Variants in CEP192 observed in about 807,000 individuals in gnomAD.
CEP192 encodes the protein centrosomal protein of 192 kDa.
In CEP192, 151 loss-of-function variants were observed where a neutral mutation model predicts 271.8. The observed-to-expected ratio is 0.56, with a 90% CI of 0.49 to 0.64. CEP192 has a LOEUF of 0.64. CEP192 is among the 30% of genes least tolerant of loss of function. The probability of loss-of-function intolerance (pLI) is 0.00; values close to 1 mark genes in which losing one functional copy is unlikely to be tolerated. For missense variants in CEP192, 2,910 were observed against 3,020.5 expected (o/e 0.96, Z 0.86); for synonymous variants, 995 against 1,076.5 (o/e 0.92, Z 1.48).
chr18:13,077,444 G>T (rs1009181876), intron 30 of CEP192, among the ~76,000 whole-genome samples: 1 of 152,142 alleles, frequency 6.6e-6, no homozygotes, highest in Non-Finnish European at 1.5e-5. Context: ...TTTGAATAAG[G>T]GATACTCAAC....
Position 13,042,175 on chromosome 18 carries a change from A to G in CEP192, c.1937-29A>G, listed in dbSNP as rs567508453. Reference sequence around the variant, plus strand: ...TGTGTTTGTCAAATAGTGTATACTTATAAGTTGAATATTATATATTTCCTG... The same window carrying G: ...TGTGTTTGTCAAATAGTGTATACTTGTAAGTTGAATATTATATATTTCCTG... On this transcript the variant is annotated intron_variant, in intron 14 of 44. Coordinates refer to ENST00000506447, the MANE Select transcript of CEP192 (RefSeq NM_032142.4). 1.5e-4 allele frequency: 231 copies of G among 1,592,662 alleles called. 2 individuals carry two copies. In the South Asian group the frequency reaches 2.3e-3, roughly 16 times the overall value.
At chr18:13,106,016 A>G (rs2039930230) in intron 40 of CEP192, among the ~76,000 whole-genome samples, 1 of 152,152 alleles carries the variant, frequency 6.6e-6, no homozygotes, top group South Asian at 2.1e-4. Flanking sequence ...TGCTGTTCCT[A>G]TCAAACTGCC....
At chr18:13,109,717 A>G (rs186236746) in intron 40 of CEP192, among the ~76,000 whole-genome samples, 15 of 152,266 alleles carry the variant, frequency 9.9e-5, no homozygotes, top group South Asian at 4.1e-4. Flanking sequence ...AGCAAAACAT[A>G]GTAAAATTAA....
At chr18:12,992,599 A>C (rs2032938948) in intron 1 of CEP192, among the ~76,000 whole-genome samples, 1 of 152,232 alleles carries the variant, frequency 6.6e-6, no homozygotes, top group African/African-American at 2.4e-5. Context: ...TGGGTAATGC[A>C]ATAATGTGAG....
chr18:13,112,324 G>C (rs1002667711), intron 40 of CEP192, among the ~76,000 whole-genome samples: 8 of 152,216 alleles, frequency 5.3e-5, no homozygotes, highest in Non-Finnish European at 2.9e-5. Context: ...GCTATATCCA[G>C]ATGGGTGAAC....
At chr18:13,077,864 T>G (rs2038372380) in intron 30 of CEP192, among the ~76,000 whole-genome samples, 1 of 152,222 alleles carries the variant, frequency 6.6e-6, no homozygotes, top group Non-Finnish European at 1.5e-5. Context: ...ATCACTTAGA[T>G]TCTATAGTTA....
intron 1 of CEP192, among the ~76,000 whole-genome samples, chr18:12,996,025 A>G (rs191919664): frequency 6.6e-6 from 1 of 152,328 alleles, no homozygotes; most frequent in African/African-American, 2.4e-5. Context: ...ACTCTGAATA[A>G]GATGGGGAAC....
At chr18:13,003,039 A>C (rs1419074382) in intron 3 of CEP192, among the ~76,000 whole-genome samples, 2 of 152,206 alleles carry the variant, frequency 1.3e-5, no homozygotes. Flanking sequence ...AAGACACTAA[A>C]ATAGGCTAAT....
chr18:13,050,898 T>A (rs2036750149), intron 17 of CEP192, among the ~76,000 whole-genome samples: 1 of 152,196 alleles, frequency 6.6e-6, no homozygotes. Context: ...TTAACAGATG[T>A]ATTACCAGTC....
At chr18:13,076,616 C>G (rs183703357) in intron 30 of CEP192, among the ~76,000 whole-genome samples, 5 of 152,246 alleles carry the variant, frequency 3.3e-5, no homozygotes, top group Admixed American at 3.3e-4. Context: ...TTCAAAGGTA[C>G]CTTTTCCCTT....
In CEP192 at chr18:13,062,526, A is replaced by ATT. The variant is rs35231926; in HGVS notation, c.4488+3227_4488+3228dup. Among the ~76,000 whole-genome samples, 114 of 145,390 alleles carry ATT rather than the reference A, an allele frequency of 7.8e-4. 1 individual carries two copies. Among genetic ancestry groups the ATT allele is most frequent in the South Asian group, 1.3e-3 (6 of 4,584 alleles). ...TATTGCTAACATTTGGTACTGTTAG[A>ATT]TTTTTTTTTTTTTTAATCATTCTGG... is the stretch of plus-strand genomic sequence containing the variant. On this transcript the variant is annotated intron_variant, in intron 21 of 44. Coordinates refer to ENST00000506447, the MANE Select transcript of CEP192 (RefSeq NM_032142.4).
rs551183384 is a variant in CEP192, at chr18:13,116,861, G to A, written c.7416+358G>A. On this transcript the variant is annotated intron_variant, in intron 43 of 44. Transcript: ENST00000506447. Reference sequence around the variant, plus strand: ...CCTGACCTCATGATCTGCCTGCCTCGGCCTCCCAAAGTGCTGGGATTACAG... The same window carrying A: ...CCTGACCTCATGATCTGCCTGCCTCAGCCTCCCAAAGTGCTGGGATTACAG... Among the ~76,000 whole-genome samples, 10 of 152,052 alleles carry A rather than the reference G, an allele frequency of 6.6e-5. No individual in the cohort carries two copies. In the South Asian group the frequency reaches 8.3e-4, roughly 13 times the overall value.
chr18:13,107,264 AG>A (rs1225280779), intron 40 of CEP192, among the ~76,000 whole-genome samples: 3 of 152,220 alleles, frequency 2.0e-5, no homozygotes, highest in Non-Finnish European at 4.4e-5. Context: ...CAAGAGGCTG[AG>A]TCAGGAGGAA....
intron 30 of CEP192, among the ~76,000 whole-genome samples, chr18:13,084,440 A>T (rs888187645): frequency 2.0e-5 from 3 of 152,188 alleles, no homozygotes; most frequent in African/African-American, 7.2e-5. Flanking sequence ...CAAGCGCGGG[A>T]TAAAATCTCC....
At chr18:13,072,874 G>GT (rs1322429251) in intron 29 of CEP192, 29 bp downstream of exon 29, 6 of 1,568,156 alleles carry the variant, frequency 3.8e-6, no homozygotes, top group Non-Finnish European at 5.3e-6. Flanking sequence ...TTCTTGTTAT[G>GT]TCTTCTGTCT....
At chr18:13,106,285 C>T (rs920049406) in intron 40 of CEP192, among the ~76,000 whole-genome samples, 2 of 152,004 alleles carry the variant, frequency 1.3e-5, no homozygotes, top group Non-Finnish European at 2.9e-5. Context: ...AACTACAACA[C>T]CCCACACAAC....
intron 38 of CEP192, among the ~76,000 whole-genome samples, chr18:13,102,976 T>C (rs1358641356): frequency 6.6e-6 from 1 of 152,210 alleles, no homozygotes; most frequent in East Asian, 1.9e-4. Context: ...CTCATGTCAG[T>C]AAGTGGCACC....
At chr18:13,055,302 C>T (rs1786285) in intron 18 of CEP192, among the ~76,000 whole-genome samples, 18,475 of 150,454 alleles carry the variant, frequency 0.12, 1,639 homozygotes, top group African/African-American at 0.24. Context: ...AAAAAGTTAA[C>T]GTCTTTGAAT....
At chr18:13,091,779 T>C (rs2039158972) in intron 33 of CEP192, among the ~76,000 whole-genome samples, 1 of 152,182 alleles carries the variant, frequency 6.6e-6, no homozygotes, top group South Asian at 2.1e-4. Context: ...TGAACACTCT[T>C]TCATTAATCT....
Sources: allele counts gnomAD v4.1 joint callset (sites outside exome capture counted in the v4.1 genomes callset), GRCh38; gene constraint gnomAD v4.1.1; transcripts MANE v1.5; gene names NCBI Gene and HGNC (gene_info 2026-07-23, HGNC 2026-07-21).